The following B3GALNT1 variants were observed in gnomAD, a reference collection of about 807,000 sequenced individuals.
The protein encoded by B3GALNT1 is beta-1,3-N-acetylgalactosaminyltransferase 1 (Globoside blood group), also known as UDP-GalNAc:beta-1,3-N-acetylgalactosaminyltransferase 1.
B3GALNT1 carries 17 observed loss-of-function variants against 27.3 expected under a neutral mutation model. The observed-to-expected ratio is 0.62, with a 90% CI of 0.43 to 0.94. B3GALNT1 has a LOEUF of 0.94. Ranked by LOEUF, B3GALNT1 falls within the 40% of genes least tolerant of loss-of-function variation. The probability of loss-of-function intolerance (pLI) is 0.00; values close to 1 mark genes in which losing one functional copy is unlikely to be tolerated. For missense variants in B3GALNT1, 347 were observed against 390.0 expected (o/e 0.89, Z 0.93); for synonymous variants, 141 against 144.0 (o/e 0.98, Z 0.15).
At chr3:161,093,502 G>A (rs1488877498) in intron 4 of B3GALNT1, among the ~76,000 whole-genome samples, 3 of 152,020 alleles carry the variant, frequency 2.0e-5, no homozygotes, top group African/African-American at 7.3e-5. Context: ...GCTGAGCAGT[G>A]GGCTACAAGG....
chr3:161,101,281 T>C (rs1731107581), intron 3 of B3GALNT1, 48 bp from the exon 4 acceptor site: 1 of 1,170,164 alleles, frequency 8.5e-7, no homozygotes, highest in Admixed American at 2.3e-5. Flanking sequence ...GCAGCAAGAC[T>C]GCCCTGAAAG....
intron 4 of B3GALNT1, among the ~76,000 whole-genome samples, chr3:161,091,746 G>T (rs115590269): frequency 1.3e-3 from 194 of 152,336 alleles, no homozygotes; most frequent in African/African-American, 4.4e-3. Flanking sequence ...TTTGGGTAGG[G>T]TGTGGTACTA....
rs35911418 is a variant in B3GALNT1 at position 161,104,716 on chromosome 3, T to C, written c.-308-310A>G. Reference sequence around the variant, plus strand: ...TCCTTCCCAATCCCTCCGACATCCCTGCGCCGGGGCCCTTCCCTAGCGCTC... The same window carrying C: ...TCCTTCCCAATCCCTCCGACATCCCCGCGCCGGGGCCCTTCCCTAGCGCTC... On this transcript the variant is annotated intron_variant, in intron 1 of 4. Transcript: ENST00000320474. 279 of 181,948 alleles carry C rather than the reference T, an allele frequency of 1.5e-3. 1 individual carries two copies. Among genetic ancestry groups the C allele is most frequent in the African/African-American group, 6.2e-3 (262 of 41,972 alleles). The allele number at this position is 181,948 out of a possible 1,614,324, so 11.3% of individuals were successfully genotyped here.
intron 4 of B3GALNT1, among the ~76,000 whole-genome samples, chr3:161,088,885 T>C (rs923884841): frequency 1.3e-5 from 2 of 152,214 alleles, no homozygotes; most frequent in Non-Finnish European, 2.9e-5. Context: ...AAAGTTATTT[T>C]TTGCACATTC....
At chr3:161,098,471 T>C (rs1729431563) in intron 4 of B3GALNT1, among the ~76,000 whole-genome samples, 1 of 152,158 alleles carries the variant, frequency 6.6e-6, no homozygotes. Flanking sequence ...CCCAGCACTT[T>C]GGGAGGCCAA....
At chr3:161,093,866 A>T (rs564605445) in intron 4 of B3GALNT1, among the ~76,000 whole-genome samples, 1 of 152,144 alleles carries the variant, frequency 6.6e-6, no homozygotes, top group East Asian at 1.9e-4. Flanking sequence ...ACTTGTGCTT[A>T]TATTAACTAC....
intron 3 of B3GALNT1, 62 bp from the exon 4 acceptor site, chr3:161,101,295 G>A: frequency 2.0e-6 from 2 of 1,021,312 alleles, no homozygotes; most frequent in Non-Finnish European, 2.7e-6. Context: ...CTGAAAGCTG[G>A]GCTTTCTGTG....
At position 161,086,059 on chromosome 3, in the gene B3GALNT1, C is replaced by T; in HGVS notation, c.696G>A (p.Lys232=). 6.3e-7 allele frequency: 1 copy of T among 1,594,122 alleles called. No individual in the cohort carries two copies. The highest frequency in any genetic ancestry group is 1.2e-5 in the South Asian group (1 of 86,852). The change falls in exon 5 of 5, where the codon AAG becomes AAA. Residue 232 remains lysine (K), a synonymous_variant. Transcript: ENST00000320474. ...ACCCACTGCAGTATGGAGGGAACACCTTGAAAGGATACTCCTGGTAAGAAA... is the reference window on the plus strand; with the variant it reads ...ACCCACTGCAGTATGGAGGGAACACTTTGAAAGGATACTCCTGGTAAGAAA... ...THISYQEYPF[K]VFPPYCSGLG...
chr3:161,103,805 G>A (rs1576785161), intron 2 of B3GALNT1, among the ~76,000 whole-genome samples: 1 of 152,244 alleles, frequency 6.6e-6, no homozygotes, highest in Non-Finnish European at 1.5e-5. Context: ...TCGGCTCACT[G>A]CAACCTCTGC....
rs1483678999 is a variant in B3GALNT1, at chr3:161,086,453, C to T, written c.302G>A (p.Trp101Ter). The change falls in exon 5 of 5, where the codon TGG (tryptophan) becomes TAG (stop). Residue 101 changes from tryptophan to a stop codon, truncating the protein, a stop_gained. Coordinates refer to ENST00000320474, the MANE Select transcript of B3GALNT1 (RefSeq NM_003781.4). LOFTEE classifies it high-confidence loss of function. ...VKARQAIRVT[W>*]GEKKSWWGYE... ...TCCCCACCAAGACTTTTTTTCACCCCAAGTAACTCTAATGGCCTGCCTGGC... is the reference window on the plus strand; with the variant it reads ...TCCCCACCAAGACTTTTTTTCACCCTAAGTAACTCTAATGGCCTGCCTGGC... 1 of 1,613,592 alleles carries T rather than the reference C, an allele frequency of 6.2e-7. No individual in the cohort carries two copies. The highest frequency in any genetic ancestry group is 1.1e-5 in the South Asian group (1 of 91,076).
At chr3:161,092,225 TAATA>T (rs796695766) in intron 4 of B3GALNT1, among the ~76,000 whole-genome samples, 4 of 152,278 alleles carry the variant, frequency 2.6e-5, no homozygotes, top group African/African-American at 7.2e-5. Context: ...GTCCATAAGA[TAATA>T]AATAAAAGTT....
rs1215486123 is a variant in B3GALNT1, at chr3:161,103,458, GTTT to G, written c.-164_-162del. ...AATTCCAGATGAAATTAAAGCTTAAGTTTTTTGTTGTTTTCTGTATTCCATGCT... is the reference window on the plus strand; with the variant it reads ...AATTCCAGATGAAATTAAAGCTTAAGTTTGTTGTTTTCTGTATTCCATGCT... On this transcript the variant is annotated 5_prime_UTR_variant, in exon 3 of 5. Transcript: ENST00000320474. 7.8e-7 allele frequency: 1 copy of G among 1,281,340 alleles called. No homozygotes were observed. The highest frequency in any genetic ancestry group is 1.0e-6 in the Non-Finnish European group (1 of 981,874). The allele number at this position is 1,281,340 out of a possible 1,614,324, so 79.4% of individuals were successfully genotyped here. A position where few individuals can be genotyped will look rare whatever the true frequency, so the allele number is the denominator to read the frequency against.
intron 4 of B3GALNT1, among the ~76,000 whole-genome samples, chr3:161,096,903 G>T (rs972024816): frequency 8.5e-5 from 13 of 152,148 alleles, no homozygotes; most frequent in Non-Finnish European, 1.9e-4. Context: ...AGTTTCAGAG[G>T]GTGGCAGGGC....
intron 3 of B3GALNT1, among the ~76,000 whole-genome samples, chr3:161,102,653 T>C (rs1415030155): frequency 3.3e-5 from 5 of 152,224 alleles, no homozygotes; most frequent in South Asian, 2.1e-4. Flanking sequence ...CTTTTGAATG[T>C]ATCTGTTGTG....
chr3:161,096,558 AT>A (rs1728285134), intron 4 of B3GALNT1, among the ~76,000 whole-genome samples: 1 of 152,248 alleles, frequency 6.6e-6, no homozygotes, highest in South Asian at 2.1e-4. Context: ...TATATTCCTT[AT>A]AAAGGGAAAA....
intron 3 of B3GALNT1, among the ~76,000 whole-genome samples, chr3:161,101,814 A>AT (rs1731440883): frequency 6.6e-6 from 1 of 152,318 alleles, no homozygotes; most frequent in African/African-American, 2.4e-5. Flanking sequence ...CTGGACGGTA[A>AT]TTTTTTATCT....
chr3:161,088,051 G>A (rs1383624324), intron 4 of B3GALNT1, among the ~76,000 whole-genome samples: 1 of 152,078 alleles, frequency 6.6e-6, no homozygotes, highest in Non-Finnish European at 1.5e-5. Context: ...TGGAAAGCTG[G>A]AATTAACTAT....
At position 161,105,216 on chromosome 3, in the gene B3GALNT1, G is replaced by T. The variant is rs566001350; in HGVS notation, c.-309+19C>A. On this transcript the variant is annotated intron_variant, in intron 1 of 4. Transcript: ENST00000320474. ...CTCAACCGCCTCGGAGACCCTGCAG[G>T]GCCGCCCTTCTCACTCACCTCCTGT... 6.6e-6 allele frequency: 1 copy of T among 152,458 alleles called. No homozygotes were observed. The highest frequency in any genetic ancestry group is 2.1e-4 in the South Asian group (1 of 4,834). The allele number at this position is 152,458 out of a possible 1,614,324, so 9.4% of individuals were successfully genotyped here.
chr3:161,097,851 ATATGG>A (rs2108396047), intron 4 of B3GALNT1, among the ~76,000 whole-genome samples: 1 of 152,288 alleles, frequency 6.6e-6, no homozygotes, highest in East Asian at 1.9e-4. Context: ...TGCATATTTG[ATATGG>A]TTTACATTTT....
Sources: gnomAD v4.1 joint callset for allele counts (sites outside exome capture counted in the v4.1 genomes callset) on GRCh38, gnomAD v4.1.1 for gene constraint, MANE v1.5 for transcripts, NCBI Gene and HGNC (gene_info 2026-07-23, HGNC 2026-07-21) for gene names.